Variants in SPPL2B observed in about 807,000 individuals in gnomAD.
SPPL2B encodes signal peptide peptidase-like 2B.
Under a neutral mutation model 59.7 loss-of-function variants are expected in SPPL2B, and 39 were observed. The observed-to-expected ratio is 0.65, with a 90% CI of 0.51 to 0.85. The LOEUF (loss-of-function observed/expected upper bound fraction) is 0.85. Among genes scored for constraint, SPPL2B ranks in the 40% least tolerant of loss-of-function variants. The pLI, the probability that SPPL2B is intolerant of heterozygous loss-of-function variation, is 0.00. For synonymous variants in SPPL2B, 419 were observed against 370.8 expected (o/e 1.13, Z -1.49); for missense variants, 865 against 849.0 (o/e 1.02, Z -0.23).
At chr19:2,343,783 G>A (rs1025084417) in intron 9 of SPPL2B, among the ~76,000 whole-genome samples, 182 bp from the exon 10 acceptor site, 2 of 152,126 alleles carry the variant, frequency 1.3e-5, no homozygotes, top group African/African-American at 4.8e-5. Flanking sequence ...ACTTTTGCCC[G>A]TAAATCCCTA....
rs1423325226 is a variant in SPPL2B, at chr19:2,343,988, G to A, written c.1062G>A (p.Val354=). ...AGGCCTGCACGCTGCTGCTGCTGGT[G>A]CTGTTCCTCTACGACATCTTCTTCG... ...TFKACTLLLL[V]LFLYDIFFVF... is the part of the protein sequence containing the mutation. The change falls in exon 10 of 15, where the codon GTG becomes GTA. Residue 354 remains valine, a synonymous_variant. Transcript: ENST00000613503. 11 of 1,548,466 alleles carry A rather than the reference G, an allele frequency of 7.1e-6. No homozygotes were observed. In the South Asian group the frequency reaches 1.3e-4, roughly 18 times the overall value.
chr19:2,343,309 C>T lies in SPPL2B; in HGVS notation c.1038+17C>T, dbSNP rs545655492. On this transcript the variant is annotated intron_variant, in intron 9 of 14. Transcript: ENST00000613503. Reference sequence around the variant, plus strand: ...ACCTTCAAGGTGAGTGCAGGGAGGGCACGGCTGCGGGGCAGCATGGGTAGT... The same window carrying T: ...ACCTTCAAGGTGAGTGCAGGGAGGGTACGGCTGCGGGGCAGCATGGGTAGT... 8 of 1,548,304 alleles carry T rather than the reference C, an allele frequency of 5.2e-6. No individual in the cohort carries two copies. The East Asian group carries it at 1.5e-4, about 28-fold the overall frequency.
intron 8 of SPPL2B, 44 bp downstream of exon 8, chr19:2,341,058 C>G (rs747983835): frequency 7.2e-7 from 1 of 1,397,092 alleles, no homozygotes; most frequent in Non-Finnish European, 1.0e-6. Context: ...GCGGAGTCCT[C>G]GGGTGCACCA....
At chr19:2,335,729 C>T (rs1284087056) in intron 2 of SPPL2B, among the ~76,000 whole-genome samples, 1 of 151,508 alleles carries the variant, frequency 6.6e-6, no homozygotes, top group African/African-American at 2.4e-5. Context: ...ATCCCTCAGG[C>T]CCCGCCTCCT....
At chr19:2,351,011 G>A (rs754471345) in intron 13 of SPPL2B, among the ~76,000 whole-genome samples, 16 of 152,228 alleles carry the variant, frequency 1.1e-4, no homozygotes, top group Non-Finnish European at 2.2e-4. Flanking sequence ...TATGCCCACA[G>A]CTCAGTGTTC....
chr19:2,338,956 G>A lies in SPPL2B; in HGVS notation c.460-113G>A, dbSNP rs905575205. On this transcript the variant is annotated intron_variant, in intron 4 of 14. Coordinates refer to ENST00000613503, the MANE Select transcript of SPPL2B (RefSeq NM_152988.3). Reference sequence around the variant, plus strand: ...GTGGGATCAGGGTGGTGGGTGAGGCGTGGCCCCTGCAGGCCAGGGTCTCCA... The same window carrying A: ...GTGGGATCAGGGTGGTGGGTGAGGCATGGCCCCTGCAGGCCAGGGTCTCCA... 2.7e-5 allele frequency: 40 copies of A among 1,484,258 alleles called. No individual in the cohort carries two copies. In the African/African-American group the frequency reaches 3.8e-4, roughly 14 times the overall value. The allele number at this position is 1,484,258 out of a possible 1,614,324, so 91.9% of individuals were successfully genotyped here. A position where few individuals can be genotyped will look rare whatever the true frequency, so the allele number is the denominator to read the frequency against.
chr19:2,351,477 G>C lies in SPPL2B; in HGVS notation c.1398G>C (p.Leu466=), dbSNP rs1479575067. 1.9e-6 allele frequency: 3 copies of C among 1,609,774 alleles called. No homozygotes were observed. The Admixed American group carries it at 5.0e-5, about 27-fold the overall frequency. Residue 466 remains leucine, a synonymous_variant, in exon 14 of 15, where the codon CTG becomes CTC. Coordinates refer to ENST00000613503, the MANE Select transcript of SPPL2B (RefSeq NM_152988.3). ...GLLVTFVALA[L]MQRGQPALLY... ...TTGTGACATTCGTGGCACTGGCCCT[G>C]ATGCAGCGTGGCCAGCCCGCTCTCC... is the stretch of plus-strand genomic sequence containing the variant.
rs1005304327 is a variant in SPPL2B, at chr19:2,340,085, T to A, written c.752T>A (p.Val251Asp). Residue 251 changes from valine to aspartate, a missense_variant, in exon 7 of 15, where the codon GTC becomes GAC. Coordinates refer to ENST00000613503, the MANE Select transcript of SPPL2B (RefSeq NM_152988.3). ...GGCCCTGCCCCTGCAGTGTACGTGG[T>A]CATCGGGATCTTCTGCCTGGCCTCC... ...YYFYDLLVYVVIGIFCLASAT... is the reference protein window; with the variant it reads ...YYFYDLLVYVDIGIFCLASAT... 9 of 1,594,006 alleles carry A rather than the reference T, an allele frequency of 5.6e-6. No homozygotes were observed. The African/African-American group carries it at 1.2e-4, about 21-fold the overall frequency.
chr19:2,343,914 G>T (rs1225258313), intron 9 of SPPL2B, 51 bp from the exon 10 acceptor site: 9 of 1,392,036 alleles, frequency 6.5e-6, no homozygotes, highest in African/African-American at 2.9e-5. Flanking sequence ...AGATGGGAGT[G>T]GGGGAGGCAC....
At chr19:2,329,489 G>C (rs1162334814) in intron 1 of SPPL2B, among the ~76,000 whole-genome samples, 1 of 152,182 alleles carries the variant, frequency 6.6e-6, no homozygotes, top group East Asian at 1.9e-4. Flanking sequence ...CAGTCTACGA[G>C]ATCGCACTGT....
intron 1 of SPPL2B, among the ~76,000 whole-genome samples, chr19:2,330,133 G>A (rs11881443): frequency 0.051 from 7,659 of 150,628 alleles, 678 homozygotes; most frequent in African/African-American, 0.18. Context: ...TTTTGAGACG[G>A]AGTCTCGCTC....
At chr19:2,344,976 A>G (rs1969284072) in intron 12 of SPPL2B, among the ~76,000 whole-genome samples, 1 of 152,076 alleles carries the variant, frequency 6.6e-6, no homozygotes, top group Non-Finnish European at 1.5e-5. Flanking sequence ...GTTGCTGCAG[A>G]AGGCAGAGAC....
Position 2,343,334 on chromosome 19 carries a change from TGGG to T in SPPL2B, c.1038+45_1038+47del, listed in dbSNP as rs765870732. 14 of 1,480,740 alleles carry T rather than the reference TGGG, an allele frequency of 9.5e-6. No individual in the cohort carries two copies. In the South Asian group the frequency reaches 1.7e-4, roughly 18 times the overall value. The allele number at this position is 1,480,740 out of a possible 1,614,324, so 91.7% of individuals were successfully genotyped here. A position where few individuals can be genotyped will look rare whatever the true frequency, so the allele number is the denominator to read the frequency against. On this transcript the variant is annotated intron_variant, in intron 9 of 14. Transcript: ENST00000613503. ...CACGGCTGCGGGGCAGCATGGGTAGTGGGGGCCCTTCATCCTAGCCTGGCCCGT... is the reference window on the plus strand; with the variant it reads ...CACGGCTGCGGGGCAGCATGGGTAGTGGCCCTTCATCCTAGCCTGGCCCGT...
At chr19:2,329,905 C>T (rs1599187494) in intron 1 of SPPL2B, among the ~76,000 whole-genome samples, 1 of 152,146 alleles carries the variant, frequency 6.6e-6, no homozygotes, top group Non-Finnish European at 1.5e-5. Context: ...GCAAGGCTGT[C>T]GGGCCCCCTC....
At chr19:2,344,323 C>G in intron 10 of SPPL2B, 39 bp from the exon 11 acceptor site, 4 of 1,323,136 alleles carry the variant, frequency 3.0e-6, no homozygotes, top group Non-Finnish European at 4.2e-6. Context: ...CCCCCCCACC[C>G]CATCACCACG....
intron 2 of SPPL2B, among the ~76,000 whole-genome samples, chr19:2,335,904 C>T (rs1216424105): frequency 6.6e-6 from 1 of 152,222 alleles, no homozygotes; most frequent in Non-Finnish European, 1.5e-5. Flanking sequence ...TGGACATGCT[C>T]ATGTGTCTGC....
Position 2,344,533 on chromosome 19 carries a change from T to C in SPPL2B, c.1177-20T>C, listed in dbSNP as rs1012931538. 3 of 1,604,466 alleles carry C rather than the reference T, an allele frequency of 1.9e-6. No individual in the cohort carries two copies. In the Admixed American group the frequency reaches 5.0e-5, roughly 27 times the overall value. On this transcript the variant is annotated intron_variant, in intron 11 of 14. Transcript: ENST00000613503. ...CGGGTGAGGGTCCTGGAGGACATTG[T>C]CCTCTTCCCGTCTTTGCAGCTGCCC... is the stretch of plus-strand genomic sequence containing the variant.
In SPPL2B at chr19:2,340,979, C is replaced by T; in HGVS notation, c.921C>T (p.Val307=). The T allele has an allele frequency of 1.2e-6, 2 of 1,604,964 alleles. No homozygotes were observed. Among genetic ancestry groups the T allele is most frequent in the Non-Finnish European group, 8.5e-7 (1 of 1,179,586 alleles). The change falls in exon 8 of 15, where the codon GTC becomes GTT. Residue 307 remains valine (V), a synonymous_variant. Transcript: ENST00000613503. ...MLLLALFCVA[V]SVVWGVFRNE... ...TCCTGGCGCTCTTCTGCGTGGCCGTCAGCGTGGTGTGGGGCGTCTTCCGCA... is the reference window on the plus strand; with the variant it reads ...TCCTGGCGCTCTTCTGCGTGGCCGTTAGCGTGGTGTGGGGCGTCTTCCGCA...
At chr19:2,351,741 C>T (rs966363049) in intron 14 of SPPL2B, 147 bp downstream of exon 14, 43 of 1,022,422 alleles carry the variant, frequency 4.2e-5, no homozygotes, top group South Asian at 8.2e-5. Flanking sequence ...GGGTGTCATG[C>T]GCGTGAGGCC....
Sources: gnomAD v4.1 joint callset for allele counts (sites outside exome capture counted in the v4.1 genomes callset) on GRCh38, gnomAD v4.1.1 for gene constraint, MANE v1.5 for transcripts, NCBI Gene and HGNC (gene_info 2026-07-23, HGNC 2026-07-21) for gene names.